The following UBR4 variants were observed in gnomAD, a reference collection of about 807,000 sequenced individuals.
The protein encoded by UBR4 is E3 ubiquitin-protein ligase UBR4.
Under a neutral mutation model 575.6 loss-of-function variants are expected in UBR4, and 124 were observed. That is an observed-to-expected ratio of 0.22 (90% CI 0.19 to 0.25). The LOEUF is 0.25. Among genes scored for constraint, UBR4 ranks in the 10% least tolerant of loss-of-function variants. The pLI, the probability that UBR4 is intolerant of heterozygous loss-of-function variation, is 1.00. For missense variants in UBR4, 4,818 were observed against 6,478.8 expected (o/e 0.74, Z 8.80); for synonymous variants, 2,455 against 2,473.7 (o/e 0.99, Z 0.22).
chr1:19,138,951 A>C (rs955738570), intron 59 of UBR4, 132 bp downstream of exon 59: 27 of 1,151,980 alleles, frequency 2.3e-5, no homozygotes, highest in Non-Finnish European at 2.7e-5. Flanking sequence ...AGACTTTCAG[A>C]GAGTCCACAA....
chr1:19,199,000 G>A (rs2092613311), intron 3 of UBR4, 72 bp from the exon 4 acceptor site: 2 of 1,548,202 alleles, frequency 1.3e-6, no homozygotes, highest in African/African-American at 1.4e-5. Context: ...TACTCTTTTG[G>A]AAATTCTAAC....
At position 19,157,624 on chromosome 1, in the gene UBR4, TC is replaced by T. The variant is rs2086634754; in HGVS notation, c.5760+190del. Among the ~76,000 whole-genome samples, 1 of 152,246 alleles carries T rather than the reference TC, an allele frequency of 6.6e-6. No homozygotes were observed. The highest frequency in any genetic ancestry group is 2.4e-5 in the African/African-American group (1 of 41,456). Reference sequence around the variant, plus strand: ...TAGGAACAGTCCTAGTCATACCAGCTCTAGGTCTAATCAAATCAATTCAGGG... The same window carrying T: ...TAGGAACAGTCCTAGTCATACCAGCTTAGGTCTAATCAAATCAATTCAGGG... On this transcript the variant is annotated intron_variant, in intron 40 of 105. Coordinates refer to ENST00000375254, the MANE Select transcript of UBR4 (RefSeq NM_020765.3). This position sits in a 1 kb window ranked among gnomAD's most constrained non-coding sequence, Gnocchi z 4.4.
intron 100 of UBR4, 128 bp from the exon 101 acceptor site, chr1:19,086,398 G>A: frequency 7.6e-7 from 1 of 1,311,564 alleles, no homozygotes; most frequent in Non-Finnish European, 1.0e-6. Flanking sequence ...CCAGGCTCCT[G>A]ACCCTGCGAA....
intron 18 of UBR4, 126 bp downstream of exon 18, chr1:19,178,925 T>C (rs1357049437): frequency 2.5e-6 from 3 of 1,221,574 alleles, no homozygotes; most frequent in Non-Finnish European, 3.5e-6. Context: ...ATCCCTCTTC[T>C]ACCCTCCCCA....
In UBR4 at chr1:19,100,596, C is replaced by T. The variant is rs1469834799; in HGVS notation, c.13024-23G>A. ...CTCCTGGAGGACAGACAGAAGGGTG[C>T]ATCAGAAGGGATGGCAGAGGTGGAG... On this transcript the variant is annotated intron_variant, in intron 88 of 105. Coordinates refer to ENST00000375254, the MANE Select transcript of UBR4 (RefSeq NM_020765.3). The surrounding 1 kb of genome is among the most constrained non-coding windows in gnomAD (Gnocchi z 4.2). 6.2e-7 allele frequency: 1 copy of T among 1,611,020 alleles called. No homozygotes were observed. The highest frequency in any genetic ancestry group is 2.2e-5 in the East Asian group (1 of 44,832).
chr1:19,074,875 T>C lies in UBR4; in HGVS notation c.15509A>G (p.Asp5170Gly), dbSNP rs2075766363. Residue 5170 changes from aspartate (D) to glycine (G), a missense_variant, in exon 106 of 106, where the codon GAT becomes GGT. By Grantham distance (94) the Asp-to-Gly change is moderately conservative. Coordinates refer to ENST00000375254, the MANE Select transcript of UBR4 (RefSeq NM_020765.3). ...CAGGTCCTTCAGGAAGCTCTCTGGA[T>C]CGGTGATTTCTGATAAAAGACCTGC... The part of the protein sequence containing the change: ...DVAGLLSEIT[D>G]PESFLKDLLN... The C allele has an allele frequency of 6.2e-7, 1 of 1,614,040 alleles. No homozygotes were observed.
chr1:19,103,519 C>T (rs529800952), intron 87 of UBR4, among the ~76,000 whole-genome samples: 3 of 152,212 alleles, frequency 2.0e-5, no homozygotes, highest in Non-Finnish European at 4.4e-5. Flanking sequence ...GAGCCAAGAT[C>T]GCGTCACTGC....
rs373254039 is a variant in UBR4, at chr1:19,161,097, C to A, written c.5226G>T (p.Glu1742Asp). Residue 1742 changes from glutamate to aspartate, a missense_variant, in exon 38 of 106, where the codon GAG becomes GAT. Physicochemically the swap from Glu to Asp is conservative, Grantham distance 45. This residue lies in a region of UBR4 where 159 missense variants were observed against 174.6 expected (regional missense o/e 0.91). Transcript: ENST00000375254. ...PSSGMSSTMK[E>D]SAFQSEPRIS... ...TCCTGGGTTCACTCTGAAATGCCGA[C>A]TCCTTCATGGTAGAGCTCATGCCAC... is the stretch of plus-strand genomic sequence containing the variant. 1 of 1,614,140 alleles carries A rather than the reference C, an allele frequency of 6.2e-7. No individual in the cohort carries two copies. The highest frequency in any genetic ancestry group is 8.5e-7 in the Non-Finnish European group (1 of 1,180,016).
In UBR4 at chr1:19,174,423, G is replaced by A. The variant is rs1273799843; in HGVS notation, c.2878C>T (p.Leu960Phe). Reference sequence around the variant, plus strand: ...GCATAAAGCTCATCATACTTGACAAGCTTGGAGAAAAGGACGTCACATGCC... The same window carrying A: ...GCATAAAGCTCATCATACTTGACAAACTTGGAGAAAAGGACGTCACATGCC... ...SVACDVLFSK[L>F]VKYDELYAAL... The change falls in exon 22 of 106, where the codon CTT (leucine) becomes TTT (phenylalanine). Residue 960 changes from leucine (L) to phenylalanine (F), a missense_variant. Around this residue, in one of 29 missense-constraint regions of UBR4, gnomAD observed 1,172 missense variants for 1,259.7 expected, o/e 0.93. Coordinates refer to ENST00000375254, the MANE Select transcript of UBR4 (RefSeq NM_020765.3). 1.9e-6 allele frequency: 3 copies of A among 1,611,188 alleles called. No homozygotes were observed. The highest frequency in any genetic ancestry group is 1.7e-5 in the Admixed American group (1 of 59,934).
chr1:19,177,814 C>A, intron 18 of UBR4, 71 bp from the exon 19 acceptor site: 1 of 1,494,964 alleles, frequency 6.7e-7, no homozygotes, highest in Non-Finnish European at 9.0e-7. Context: ...ATGTCAAGCA[C>A]TAGAAGAGTT....
At chr1:19,119,330 C>T (rs911487864) in intron 70 of UBR4, among the ~76,000 whole-genome samples, 2 of 152,178 alleles carry the variant, frequency 1.3e-5, no homozygotes, top group Non-Finnish European at 2.9e-5. Context: ...TCTTCTTTCC[C>T]CACCTGACCT....
intron 66 of UBR4, among the ~76,000 whole-genome samples, chr1:19,122,263 A>T (rs546878557): frequency 6.6e-6 from 1 of 152,298 alleles, no homozygotes; most frequent in East Asian, 1.9e-4. Flanking sequence ...GTTTTCAGGA[A>T]CCTTCAGACT....
rs780583022 is a variant in UBR4, at chr1:19,110,086, G to A, written c.12105+10C>T. 2.5e-6 allele frequency: 4 copies of A among 1,613,910 alleles called. No homozygotes were observed. The Admixed American group carries it at 5.0e-5, about 20-fold the overall frequency. ...GCCCTTCCTTGTTAGACCCCTGCTT[G>A]GCCCAGTACCTTGTTCTTCTTGCTA... On this transcript the variant is annotated intron_variant, in intron 81 of 105. Coordinates refer to ENST00000375254, the MANE Select transcript of UBR4 (RefSeq NM_020765.3). This position sits in a 1 kb window ranked among gnomAD's most constrained non-coding sequence, Gnocchi z 4.5.
At chr1:19,078,758 C>G (rs2076209068) in intron 103 of UBR4, 1 of 152,262 alleles carries the variant, frequency 6.6e-6, no homozygotes, top group Non-Finnish European at 1.5e-5. Context: ...TAAAGACCAG[C>G]CAGTTCCTTG....
intron 28 of UBR4, 104 bp from the exon 29 acceptor site, chr1:19,167,335 G>A: frequency 8.0e-7 from 1 of 1,242,486 alleles, no homozygotes; most frequent in Non-Finnish European, 1.2e-6. Context: ...AGGGGAAGGG[G>A]AATTGCGCAA....
chr1:19,136,199 G>A (rs557627726), intron 60 of UBR4, among the ~76,000 whole-genome samples: 5 of 152,158 alleles, frequency 3.3e-5, no homozygotes, highest in South Asian at 4.1e-4. Flanking sequence ...AAATGATATC[G>A]TTTAGGAAAA....
Position 19,177,442 on chromosome 1 carries a change from A to G in UBR4, c.2637+19T>C, listed in dbSNP as rs78463695. 1 of 1,603,730 alleles carries G rather than the reference A, an allele frequency of 6.2e-7. No individual in the cohort carries two copies. The highest frequency in any genetic ancestry group is 1.1e-5 in the South Asian group (1 of 90,754). ...GTTCTCAGTAATGGTGAAGCAAAAAAGAACGTGTTGGTCTGTACCTGCTCA... is the reference window on the plus strand; with the variant it reads ...GTTCTCAGTAATGGTGAAGCAAAAAGGAACGTGTTGGTCTGTACCTGCTCA... On this transcript the variant is annotated intron_variant, in intron 19 of 105. Coordinates refer to ENST00000375254, the MANE Select transcript of UBR4 (RefSeq NM_020765.3).
chr1:19,138,518 A>C (rs1375552706), intron 59 of UBR4, among the ~76,000 whole-genome samples: 1 of 152,200 alleles, frequency 6.6e-6, no homozygotes, highest in African/African-American at 2.4e-5. Flanking sequence ...CTCTGTAAAA[A>C]TTGTATCCAG....
At chr1:19,123,691 C>A (rs540440765) in intron 65 of UBR4, among the ~76,000 whole-genome samples, 28 of 152,258 alleles carry the variant, frequency 1.8e-4, no homozygotes, top group South Asian at 1.7e-3. Context: ...AAGAAAAAAA[C>A]CATTCCAAAT....
Sources: gnomAD v4.1 joint callset for allele counts (sites outside exome capture counted in the v4.1 genomes callset) on GRCh38, gnomAD v4.1.1 for gene constraint, gnomAD v4.1.1 regional missense constraint, Gnocchi (gnomAD v3.1) non-coding constraint, MANE v1.5 for transcripts, NCBI Gene and HGNC (gene_info 2026-07-23, HGNC 2026-07-21) for gene names.